The following SLC35F4 variants were observed in gnomAD, a reference collection of about 807,000 sequenced individuals.
SLC35F4 encodes chromosome 14 open reading frame 36.
In SLC35F4, 24 loss-of-function variants were observed where a neutral mutation model predicts 44.2. The observed-to-expected ratio is 0.54, with a 90% CI of 0.39 to 0.76. The LOEUF is 0.76. SLC35F4 is among the 30% of genes least tolerant of loss of function. The probability of loss-of-function intolerance (pLI) is 0.00; values close to 1 mark genes in which losing one functional copy is unlikely to be tolerated. For missense variants in SLC35F4, 562 were observed against 586.1 expected, an observed-to-expected ratio of 0.96 and a Z score of 0.42; for synonymous variants, 238 against 223.6, an observed-to-expected ratio of 1.06 and a Z score of -0.57.
chr14:57,787,821 CA>C (rs1221595785), intron 1 of SLC35F4, among the ~76,000 whole-genome samples: 3 of 152,164 alleles, frequency 2.0e-5, no homozygotes, highest in Non-Finnish European at 4.4e-5. Flanking sequence ...GAATAAATCA[CA>C]CAGGACCTAT....
chr14:57,663,886 C>T, intron 1 of SLC35F4, among the ~76,000 whole-genome samples: 1 of 152,212 alleles, frequency 6.6e-6, no homozygotes, highest in Admixed American at 6.5e-5. Context: ...AGGTGCTACA[C>T]AATCTGCAGG....
intron 1 of SLC35F4, among the ~76,000 whole-genome samples, chr14:57,831,556 T>C (rs918193065): frequency 3.3e-5 from 5 of 152,158 alleles, no homozygotes; most frequent in African/African-American, 1.2e-4. Flanking sequence ...GAATTTGCAG[T>C]ACAGCAGCAA....
At chr14:57,593,541 A>C (rs187765561) in intron 2 of SLC35F4, among the ~76,000 whole-genome samples, 1 of 152,334 alleles carries the variant, frequency 6.6e-6, no homozygotes, top group Admixed American at 6.5e-5. Flanking sequence ...TGAGGACAAA[A>C]GCAGATTCTG....
At chr14:57,780,884 A>T (rs890539607) in intron 1 of SLC35F4, among the ~76,000 whole-genome samples, 1 of 152,174 alleles carries the variant, frequency 6.6e-6, no homozygotes, top group African/African-American at 2.4e-5. Context: ...TTGAAACTGG[A>T]CCACTTCCTT....
At chr14:57,712,316 A>G (rs886546954) in intron 1 of SLC35F4, among the ~76,000 whole-genome samples, 1 of 152,204 alleles carries the variant, frequency 6.6e-6, no homozygotes, top group Admixed American at 6.5e-5. Context: ...TTTTCACTGC[A>G]CACAGCTTTA....
intron 1 of SLC35F4, among the ~76,000 whole-genome samples, chr14:57,790,929 G>T (rs7144846): frequency 1.3e-5 from 2 of 151,970 alleles, no homozygotes; most frequent in Non-Finnish European, 2.9e-5. Flanking sequence ...CTGGCTAGCC[G>T]TATGCGGAAA....
chr14:57,762,247 T>A (rs2077141764), intron 1 of SLC35F4, among the ~76,000 whole-genome samples: 1 of 152,132 alleles, frequency 6.6e-6, no homozygotes, highest in Non-Finnish European at 1.5e-5. Context: ...CTAAAGAGAA[T>A]AGGTTCAGGT....
intron 1 of SLC35F4, among the ~76,000 whole-genome samples, chr14:57,685,830 C>A (rs942850469): frequency 6.6e-6 from 1 of 152,128 alleles, no homozygotes; most frequent in Non-Finnish European, 1.5e-5. Context: ...TATGAGCAGT[C>A]GAGGGACTCT....
intron 1 of SLC35F4, among the ~76,000 whole-genome samples, chr14:57,619,465 G>A (rs1267493024): frequency 1.3e-5 from 2 of 152,112 alleles, no homozygotes; most frequent in Admixed American, 6.5e-5. Context: ...CTGTTAGAAG[G>A]AAAACTAACA....
intron 1 of SLC35F4, among the ~76,000 whole-genome samples, chr14:57,622,654 C>T (rs1436567059): frequency 6.6e-6 from 1 of 151,962 alleles, no homozygotes; most frequent in Non-Finnish European, 1.5e-5. Context: ...GAACATCACA[C>T]TCTGGGGACT....
At chr14:57,979,555 C>T (rs552792329) in intron 1 of SLC35F4, among the ~76,000 whole-genome samples, 1 of 152,298 alleles carries the variant, frequency 6.6e-6, no homozygotes, top group Non-Finnish European at 1.5e-5. Context: ...GCTACTAGAC[C>T]ATGCAAAGAA....
At chr14:57,705,106 T>G (rs2075636827) in intron 1 of SLC35F4, among the ~76,000 whole-genome samples, 2 of 152,198 alleles carry the variant, frequency 1.3e-5, no homozygotes, top group African/African-American at 2.4e-5. Context: ...GTTCTGAGAA[T>G]CAAATGAATT....
chr14:57,622,676 G>A (rs1000334024), intron 1 of SLC35F4, among the ~76,000 whole-genome samples: 1 of 152,198 alleles, frequency 6.6e-6, no homozygotes, highest in Admixed American at 6.6e-5. Flanking sequence ...TTGTGGGGTT[G>A]GGGGAGTGGG....
At chr14:57,698,641 A>AC (rs995203326) in intron 1 of SLC35F4, among the ~76,000 whole-genome samples, 1 of 121,778 alleles carries the variant, frequency 8.2e-6, no homozygotes, top group Non-Finnish European at 1.8e-5. Flanking sequence ...TAAACATGTC[A>AC]CTTTTTTTTT....
chr14:57,636,119 C>A (rs1028978635), intron 1 of SLC35F4, among the ~76,000 whole-genome samples: 1 of 152,076 alleles, frequency 6.6e-6, no homozygotes, highest in African/African-American at 2.4e-5. Flanking sequence ...CCAAATTAGA[C>A]AATGGAGACA....
At chr14:57,678,468 G>A (rs1447668148) in intron 1 of SLC35F4, among the ~76,000 whole-genome samples, 1 of 151,928 alleles carries the variant, frequency 6.6e-6, no homozygotes, top group East Asian at 1.9e-4. Context: ...TAACTAACAA[G>A]CAAAATAACC....
intron 1 of SLC35F4, among the ~76,000 whole-genome samples, chr14:57,657,541 A>G (rs892864889): frequency 9.2e-5 from 14 of 152,164 alleles, no homozygotes; most frequent in East Asian, 3.8e-4. Context: ...CCATGCATGC[A>G]TCATTTCCCC....
At chr14:57,784,011 G>A (rs1165581950) in intron 1 of SLC35F4, among the ~76,000 whole-genome samples, 1 of 152,182 alleles carries the variant, frequency 6.6e-6, no homozygotes, top group Non-Finnish European at 1.5e-5. Context: ...TGAAAAAACT[G>A]TCTGATGTTT....
At chr14:57,624,118 A>G (rs2072345061) in intron 1 of SLC35F4, among the ~76,000 whole-genome samples, 1 of 152,234 alleles carries the variant, frequency 6.6e-6, no homozygotes, top group Admixed American at 6.5e-5. Context: ...TAAAGGGGAT[A>G]TCACCACTGA....
Sources: gnomAD v4.1 joint callset for allele counts (sites outside exome capture counted in the v4.1 genomes callset) on GRCh38, gnomAD v4.1.1 for gene constraint, MANE v1.5 for transcripts, NCBI Gene and HGNC (gene_info 2026-07-23, HGNC 2026-07-21) for gene names.